The following MACC1 variants were observed in gnomAD, a reference collection of about 807,000 sequenced individuals.
The protein encoded by MACC1 is MET transcriptional regulator MACC1.
In MACC1, 79 loss-of-function variants were observed where a neutral mutation model predicts 70.7. That is an observed-to-expected ratio of 1.12 (90% confidence interval 0.93 to 1.35). The LOEUF is 1.35. MACC1 is among the 40% of genes most tolerant of loss of function. The pLI is 0.00. For synonymous variants in MACC1, 361 were observed against 347.2 expected (o/e 1.04, Z -0.44); for missense variants, 1,106 against 978.1 (o/e 1.13, Z -1.74).
chr7:20,175,756 A>G (rs1782381374), intron 1 of MACC1, among the ~76,000 whole-genome samples: 1 of 152,092 alleles, frequency 6.6e-6, no homozygotes, highest in Admixed American at 6.5e-5. Context: ...ACTTGGATGA[A>G]GAAATAGCAT....
chr7:20,206,013 T>G (rs1169345836), intron 1 of MACC1, among the ~76,000 whole-genome samples: 2 of 152,066 alleles, frequency 1.3e-5, no homozygotes, highest in Admixed American at 1.3e-4. Flanking sequence ...TTTCACAATC[T>G]TCTCTGTTGT....
At position 20,215,590 on chromosome 7, in the gene MACC1, C is replaced by G. The variant is rs1004763209; in HGVS notation, c.-218+1709G>C. Among the ~76,000 whole-genome samples, 5 of 152,288 alleles carry G rather than the reference C, an allele frequency of 3.3e-5. No homozygotes were observed. The East Asian group carries it at 5.8e-4, about 18-fold the overall frequency. On this transcript the variant is annotated intron_variant, in intron 1 of 6. Coordinates refer to ENST00000400331, the MANE Select transcript of MACC1 (RefSeq NM_182762.4). ...TATATGGCATATCACATGTAAAACTCTGCACAGTCATCTGAAATGCTGGTT... is the reference window on the plus strand; with the variant it reads ...TATATGGCATATCACATGTAAAACTGTGCACAGTCATCTGAAATGCTGGTT...
intron 6 of MACC1, among the ~76,000 whole-genome samples, chr7:20,148,877 G>C (rs1283733074): frequency 6.6e-6 from 1 of 152,150 alleles, no homozygotes; most frequent in Non-Finnish European, 1.5e-5. Context: ...ACTGGTATGT[G>C]AATTTCCATA....
At chr7:20,154,042 A>T (rs187168402) in intron 6 of MACC1, 151 bp downstream of exon 6, 104 of 676,010 alleles carry the variant, frequency 1.5e-4, no homozygotes, top group Non-Finnish European at 2.3e-4. Context: ...TATTTCAGAT[A>T]GTACTGATGA....
In MACC1 at chr7:20,154,241, C is replaced by T; in HGVS notation, c.2298G>A (p.Glu766=). Residue 766 remains glutamate (E), a synonymous_variant, in exon 6 of 7, where the codon GAG becomes GAA. Coordinates refer to ENST00000400331, the MANE Select transcript of MACC1 (RefSeq NM_182762.4). ...TTCCTCGATGAGGAATTTCATATGC[C>T]TCCATTTGTTGCTTTGTGAGTCGTA... ...KLVRLTKQQM[E]AYEIPHRGNT... is the part of the protein sequence containing the mutation. The T allele has an allele frequency of 6.2e-7, 1 of 1,613,980 alleles. No homozygotes were observed. Among genetic ancestry groups the T allele is most frequent in the Middle Eastern group, 1.7e-4 (1 of 6,060 alleles).
chr7:20,156,124 G>A (rs1250242572), intron 5 of MACC1, among the ~76,000 whole-genome samples: 1 of 152,106 alleles, frequency 6.6e-6, no homozygotes, highest in Non-Finnish European at 1.5e-5. Flanking sequence ...GAAGGGTTTG[G>A]ATCCCACAGT....
chr7:20,153,029 G>A (rs2128101723), intron 6 of MACC1, among the ~76,000 whole-genome samples: 1 of 152,244 alleles, frequency 6.6e-6, no homozygotes, highest in Middle Eastern at 3.4e-3. Flanking sequence ...TGCACCAAAT[G>A]CTATATTATG....
chr7:20,154,130 A>AT, intron 6 of MACC1, 63 bp downstream of exon 6: 2 of 1,557,482 alleles, frequency 1.3e-6, no homozygotes, highest in Non-Finnish European at 1.8e-6. Flanking sequence ...TATGGGTTTG[A>AT]TTACATTAGT....
intron 6 of MACC1, among the ~76,000 whole-genome samples, chr7:20,150,856 G>T (rs1781965304): frequency 6.6e-6 from 1 of 152,098 alleles, no homozygotes; most frequent in Non-Finnish European, 1.5e-5. Context: ...AGACCAGCCT[G>T]GCCAACATGG....
chr7:20,172,526 C>G (rs1183551093), intron 1 of MACC1, among the ~76,000 whole-genome samples: 1 of 151,810 alleles, frequency 6.6e-6, no homozygotes, highest in Non-Finnish European at 1.5e-5. Context: ...TATATTTGAG[C>G]TATATAGGAA....
Position 20,158,230 on chromosome 7 carries a change from T to C in MACC1, c.2131A>G (p.Arg711Gly). 6.3e-7 allele frequency: 1 copy of C among 1,589,194 alleles called. No individual in the cohort carries two copies. Among genetic ancestry groups the C allele is most frequent in the Non-Finnish European group, 8.5e-7 (1 of 1,172,378 alleles). Residue 711 changes from arginine (R) to glycine (G), a missense_variant, in exon 5 of 7, where the codon AGG (arginine) becomes GGG (glycine). Physicochemically the swap from Arg to Gly is moderately radical, Grantham distance 125 (BLOSUM62 -2). Coordinates refer to ENST00000400331, the MANE Select transcript of MACC1 (RefSeq NM_182762.4). Reference protein sequence around the residue: ...KEDCHTERNTRKFLYELIVAL... With the variant: ...KEDCHTERNTGKFLYELIVAL... ...ACAATAAGTTCATACAGAAACTTCC[T>C]TGTATTTCTCTCTGTGTGGCAATCT...
At chr7:20,181,314 T>C (rs1273648359) in intron 1 of MACC1, among the ~76,000 whole-genome samples, 1 of 152,086 alleles carries the variant, frequency 6.6e-6, no homozygotes, top group African/African-American at 2.4e-5. Context: ...TAACAAGCAT[T>C]ATATTGATAG....
chr7:20,156,560 T>C lies in MACC1; in HGVS notation c.2157+1644A>G, dbSNP rs116844991. 6.6e-5 allele frequency among the ~76,000 whole-genome samples: 10 copies of C among 152,334 alleles called. No homozygotes were observed. In the East Asian group the frequency reaches 1.7e-3, roughly 26 times the overall value. ...ATGAGCTATGAGAGTTAATGAGCTA[T>C]TACAAAATGCACACGCAGCTTCCAC... On this transcript the variant is annotated intron_variant, in intron 5 of 6. Transcript: ENST00000400331.
chr7:20,210,662 C>T (rs184278145), intron 1 of MACC1, among the ~76,000 whole-genome samples: 2 of 152,144 alleles, frequency 1.3e-5, no homozygotes, highest in East Asian at 3.9e-4. Context: ...ATATTTTGCC[C>T]CCATTTCCCC....
intron 2 of MACC1, among the ~76,000 whole-genome samples, chr7:20,164,769 C>G (rs1038837254): frequency 1.4e-4 from 22 of 152,156 alleles, no homozygotes; most frequent in African/African-American, 5.3e-4. Context: ...AAAAGCTGAG[C>G]TCAAGTTCCT....
chr7:20,153,367 C>A (rs1194739070), intron 6 of MACC1: 1 of 152,222 alleles, frequency 6.6e-6, no homozygotes, highest in Non-Finnish European at 1.5e-5. Context: ...GTGAAGAATA[C>A]AGCTTCTGCT....
At chr7:20,175,383 C>G (rs1782375550) in intron 1 of MACC1, among the ~76,000 whole-genome samples, 1 of 151,988 alleles carries the variant, frequency 6.6e-6, no homozygotes, top group Non-Finnish European at 1.5e-5. Flanking sequence ...TTTTTCTCTT[C>G]TTTTTCATGG....
chr7:20,147,928 C>G (rs1781917998), intron 6 of MACC1, among the ~76,000 whole-genome samples: 1 of 152,178 alleles, frequency 6.6e-6, no homozygotes, highest in Non-Finnish European at 1.5e-5. Context: ...CACTGCCACC[C>G]ATGCCCCTGC....
chr7:20,163,968 G>A (rs1003927117), intron 3 of MACC1, among the ~76,000 whole-genome samples: 19 of 152,046 alleles, frequency 1.2e-4, no homozygotes, highest in African/African-American at 2.9e-4. Flanking sequence ...ATGAAGTCTC[G>A]CTATATCGCC....
Sources: allele counts gnomAD v4.1 joint callset (sites outside exome capture counted in the v4.1 genomes callset), GRCh38; gene constraint gnomAD v4.1.1; transcripts MANE v1.5; gene names NCBI Gene and HGNC (gene_info 2026-07-23, HGNC 2026-07-21).